GCNT2: variants seen among roughly 807,000 people sequenced by gnomAD.
The protein encoded by GCNT2 is N-acetyllactosaminide beta-1,6-N-acetylglucosaminyl-transferase.
In GCNT2, 34 loss-of-function variants were observed where a neutral mutation model predicts 34.2. The observed-to-expected ratio is 1.00, with a 90% confidence interval of 0.76 to 1.32. The LOEUF is 1.32. GCNT2 is among the 40% of genes most tolerant of loss of function. The pLI is 0.00. For missense variants in GCNT2, 584 were observed against 489.4 expected (o/e 1.19, Z -1.82); for synonymous variants, 212 against 188.0 (o/e 1.13, Z -1.04).
chr6:10,579,699 C>A (rs1051927252), intron 3 of GCNT2, among the ~76,000 whole-genome samples: 1 of 151,858 alleles, frequency 6.6e-6, no homozygotes, highest in African/African-American at 2.4e-5. Context: ...ACCTGTAATC[C>A]CAGCTACTCG....
intron 3 of GCNT2, among the ~76,000 whole-genome samples, chr6:10,588,904 G>GTGTGGTGTGTGTGTA (rs763963079): frequency 4.7e-5 from 5 of 106,332 alleles, no homozygotes; most frequent in African/African-American, 1.7e-4. Flanking sequence ...TGTGTTGTGT[G>GTGTGGTGTGTGTGTA]GTGTGTGTGT....
intron 3 of GCNT2, among the ~76,000 whole-genome samples, chr6:10,569,455 G>A (rs1241828197): frequency 1.3e-5 from 2 of 152,158 alleles, no homozygotes; most frequent in Non-Finnish European, 2.9e-5. Flanking sequence ...CCAAGTAGCT[G>A]GGATTATAAG....
At chr6:10,581,873 A>T in intron 3 of GCNT2, 1 of 984,978 alleles carries the variant, frequency 1.0e-6, no homozygotes, top group Non-Finnish European at 1.2e-6. Flanking sequence ...GAATGAAGAG[A>T]CATGAAGGCA....
chr6:10,564,733 T>C (rs1369570351), intron 3 of GCNT2, among the ~76,000 whole-genome samples: 1 of 152,212 alleles, frequency 6.6e-6, no homozygotes, highest in East Asian at 1.9e-4. Context: ...ATATCAAATA[T>C]GTAAGGTCTA....
chr6:10,582,244 A>T (rs1453512330), intron 3 of GCNT2, among the ~76,000 whole-genome samples: 2 of 121,226 alleles, frequency 1.6e-5, no homozygotes, highest in African/African-American at 3.3e-5. Context: ...AAATATATAA[A>T]ATATATATAA....
In GCNT2 at chr6:10,574,819, A is replaced by G. The variant is rs182973517; in HGVS notation, c.925+44983A>G. ...CCCACTGGCTCTCATAAAGTGTGCT[A>G]CTCTGGGTGGAGCAGGCTGGCGCTT... On this transcript the variant is annotated intron_variant, in intron 3 of 4. Coordinates refer to ENST00000495262, the MANE Select transcript of GCNT2 (RefSeq NM_145649.5). 6.2e-4 allele frequency: 398 copies of G among 645,190 alleles called. 2 individuals are homozygous for G. Among genetic ancestry groups the G allele is most frequent in the African/African-American group, 6.1e-3 (338 of 55,594 alleles). The allele number at this position is 645,190 out of a possible 1,614,324, so 40.0% of individuals were successfully genotyped here.
intron 3 of GCNT2, chr6:10,557,225 T>TC: frequency 1.3e-6 from 2 of 1,592,950 alleles, no homozygotes; most frequent in Non-Finnish European, 1.7e-6. Context: ...TGTGGCTCTA[T>TC]CAAGAGAGTT....
intron 3 of GCNT2, among the ~76,000 whole-genome samples, chr6:10,616,155 G>A (rs1039851413): frequency 1.3e-5 from 2 of 152,212 alleles, no homozygotes; most frequent in Non-Finnish European, 2.9e-5. Flanking sequence ...GCTAGCTCAG[G>A]AGTGAAGCTG....
chr6:10,536,856 C>A (rs949404737), intron 3 of GCNT2, among the ~76,000 whole-genome samples: 4 of 152,058 alleles, frequency 2.6e-5, no homozygotes, highest in African/African-American at 9.6e-5. Flanking sequence ...ACCTCTGCTT[C>A]CCGGGTTCAG....
chr6:10,582,917 A>G (rs1016276557), intron 3 of GCNT2, among the ~76,000 whole-genome samples: 1 of 152,132 alleles, frequency 6.6e-6, no homozygotes, highest in African/African-American at 2.4e-5. Flanking sequence ...ACCATTTGAA[A>G]TAAGAGCCAC....
chr6:10,544,656 AAATG>A (rs1423870967), intron 3 of GCNT2, among the ~76,000 whole-genome samples: 1 of 150,442 alleles, frequency 6.6e-6, no homozygotes, highest in African/African-American at 2.4e-5. Flanking sequence ...ATAAATAAAT[AAATG>A]GGGCCGGGCA....
chr6:10,556,098 GA>G, intron 3 of GCNT2: 1 of 1,230,702 alleles, frequency 8.1e-7, no homozygotes, highest in Non-Finnish European at 1.0e-6. Flanking sequence ...TCTGCCGGGG[GA>G]AAGAGAGTTA....
intron 3 of GCNT2, among the ~76,000 whole-genome samples, chr6:10,577,577 T>C (rs1294301881): frequency 3.9e-5 from 6 of 152,128 alleles, no homozygotes; most frequent in Non-Finnish European, 5.9e-5. Context: ...TTTCACTCTT[T>C]TTGCCCAGGC....
intron 3 of GCNT2, among the ~76,000 whole-genome samples, chr6:10,568,313 T>C (rs138057165): frequency 0.013 from 2,016 of 152,304 alleles, 24 homozygotes; most frequent in Middle Eastern, 0.031. Context: ...CTCTGTGGTA[T>C]GGCCATCCTT....
intron 3 of GCNT2, among the ~76,000 whole-genome samples, chr6:10,558,846 G>A (rs1762840383): frequency 6.6e-6 from 1 of 152,222 alleles, no homozygotes. Context: ...ACCTGCCTCT[G>A]CCTGGGTTCA....
chr6:10,533,071 C>T (rs1761576128), intron 3 of GCNT2, among the ~76,000 whole-genome samples: 2 of 151,886 alleles, frequency 1.3e-5, no homozygotes, highest in African/African-American at 2.4e-5. Flanking sequence ...CTTTGGGAGG[C>T]TGAGCTGGGT....
intron 3 of GCNT2, among the ~76,000 whole-genome samples, chr6:10,582,126 TA>T (rs1249833150): frequency 7.2e-6 from 1 of 138,644 alleles, no homozygotes; most frequent in Non-Finnish European, 1.5e-5. Flanking sequence ...AAAACATTTA[TA>T]AATGCATATA....
rs140665364 is a variant in GCNT2 at position 10,561,656 on chromosome 6, C to G, written c.925+31820C>G. Among the ~76,000 whole-genome samples the G allele has an allele frequency of 9.9e-3, 1,509 of 152,274 alleles. 13 individuals carry two copies. The highest frequency in any genetic ancestry group is 0.075 in the Middle Eastern group (22 of 294). ...TTCGTCTCTAAGGAACAGAGCTACC[C>G]CACTCTTTGGCTTCAGCTCCTGTTT... On this transcript the variant is annotated intron_variant, in intron 3 of 4. Coordinates refer to ENST00000495262, the MANE Select transcript of GCNT2 (RefSeq NM_145649.5).
chr6:10,604,930 A>G (rs1253944306), intron 3 of GCNT2, among the ~76,000 whole-genome samples: 4 of 151,990 alleles, frequency 2.6e-5, no homozygotes, highest in African/African-American at 7.2e-5. Flanking sequence ...AAAGACTTCT[A>G]TGAAGAACAG....
Sources: allele counts gnomAD v4.1 joint callset (sites outside exome capture counted in the v4.1 genomes callset), GRCh38; gene constraint gnomAD v4.1.1; transcripts MANE v1.5; gene names NCBI Gene and HGNC (gene_info 2026-07-23, HGNC 2026-07-21).